Variants in SH3BP4 observed in about 807,000 individuals in gnomAD.
The protein encoded by SH3BP4 is SH3 domain binding protein 4, also known as SH3 domain-binding protein 4.
A neutral mutation model predicts 65.5 loss-of-function variants in SH3BP4; 33 were observed. The ratio of observed to expected loss-of-function variants is 0.50; its 90% CI spans 0.38 to 0.67. The LOEUF (loss-of-function observed/expected upper bound fraction) is 0.67, where lower values mean the gene tolerates loss of function less well. Ranked by LOEUF, SH3BP4 falls within the 30% of genes least tolerant of loss-of-function variation. The pLI is 0.00. For missense variants in SH3BP4, 1,134 were observed against 1,261.4 expected (o/e 0.90, Z 1.53); for synonymous variants, 552 against 545.5 (o/e 1.01, Z -0.17).
chr2:235,041,585 T>G lies in SH3BP4; in HGVS notation c.816T>G (p.Pro272=). ...SSSFFTGLKS[P]APEQFQSRED... is the part of the protein sequence containing the mutation. The stretch of plus-strand genomic sequence containing the variant: ...GTTTCTTCACCGGCTTGAAATCACC[T>G]GCCCCCGAGCAATTTCAGAGCCGGG... The change falls in exon 4 of 6, where the codon CCT becomes CCG. Residue 272 remains proline (P), a synonymous_variant. Coordinates refer to ENST00000392011, the MANE Select transcript of SH3BP4 (RefSeq NM_014521.3). This position sits in a 1 kb window ranked among gnomAD's most constrained non-coding sequence, Gnocchi z 6.0. The G allele has an allele frequency of 3.1e-6, 5 of 1,614,050 alleles. No homozygotes were observed. In the South Asian group the frequency reaches 5.5e-5, roughly 18 times the overall value.
intron 3 of SH3BP4, among the ~76,000 whole-genome samples, chr2:235,036,180 T>C (rs909479542): frequency 6.6e-6 from 1 of 152,250 alleles, no homozygotes; most frequent in Admixed American, 6.5e-5. Context: ...ATCTTCTCCC[T>C]GCCTCTGATT....
rs1035401794 is a variant in SH3BP4, at chr2:235,034,241, G to C, written c.-132-630G>C. Among the ~76,000 whole-genome samples, 2 of 152,184 alleles carry C rather than the reference G, an allele frequency of 1.3e-5. No homozygotes were observed. The highest frequency in any genetic ancestry group is 2.9e-5 in the Non-Finnish European group (2 of 68,030). On this transcript the variant is annotated intron_variant, in intron 2 of 5. Transcript: ENST00000392011. This position sits in a 1 kb window ranked among gnomAD's most constrained non-coding sequence, Gnocchi z 6.2. ...AGATCTTTCCTGCTTAGTAACAGTG[G>C]TTCAGTAAATATGCCCTGGTTTCAT...
intron 1 of SH3BP4, among the ~76,000 whole-genome samples, chr2:234,986,604 G>C (rs757654799): frequency 6.6e-6 from 1 of 151,948 alleles, no homozygotes; most frequent in Non-Finnish European, 1.5e-5. Context: ...TGCATATCAT[G>C]GCTGGTGGCT....
At chr2:234,953,386 T>G (rs967048310) in intron 1 of SH3BP4, among the ~76,000 whole-genome samples, 2 of 152,166 alleles carry the variant, frequency 1.3e-5, no homozygotes, top group Admixed American at 6.5e-5. Flanking sequence ...CCGCCCCTTC[T>G]CACCCTTGTG....
intron 1 of SH3BP4, among the ~76,000 whole-genome samples, chr2:234,972,004 A>ACGGGT (rs1181647251): frequency 6.6e-6 from 1 of 151,188 alleles, no homozygotes; most frequent in Non-Finnish European, 1.5e-5. Flanking sequence ...TTTAGTAGAG[A>ACGGGT]CGGGGTTTCA....
intron 2 of SH3BP4, among the ~76,000 whole-genome samples, chr2:235,029,579 C>A (rs113832392): frequency 1.4e-5 from 2 of 146,338 alleles, no homozygotes; most frequent in Non-Finnish European, 2.9e-5. Context: ...ATGGCACGTG[C>A]CTGGGAAGGT....
At chr2:234,987,988 C>G (rs2106265426) in intron 1 of SH3BP4, among the ~76,000 whole-genome samples, 1 of 152,272 alleles carries the variant, frequency 6.6e-6, no homozygotes, top group Non-Finnish European at 1.5e-5. Flanking sequence ...ACTGGTGAAG[C>G]CATCCATGCC....
chr2:234,981,930 G>C (rs1175114566), intron 1 of SH3BP4, among the ~76,000 whole-genome samples: 1 of 152,174 alleles, frequency 6.6e-6, no homozygotes, highest in Non-Finnish European at 1.5e-5. Context: ...AAGCTCGGCT[G>C]CCATTTTCCC....
At chr2:234,956,584 T>C (rs1236594862) in intron 1 of SH3BP4, among the ~76,000 whole-genome samples, 1 of 151,578 alleles carries the variant, frequency 6.6e-6, no homozygotes, top group Admixed American at 6.6e-5. Flanking sequence ...GAGTTGAGAT[T>C]TCTCTGTTGC....
intron 1 of SH3BP4, among the ~76,000 whole-genome samples, chr2:234,968,760 C>T (rs545148479): frequency 3.3e-5 from 5 of 152,282 alleles, no homozygotes; most frequent in South Asian, 2.1e-4. Flanking sequence ...GTCGTTCTTT[C>T]GGCATAATTG....
At chr2:235,038,134 A>G (rs1228098959) in intron 3 of SH3BP4, among the ~76,000 whole-genome samples, 1 of 146,938 alleles carries the variant, frequency 6.8e-6, no homozygotes, top group Non-Finnish European at 1.5e-5. Context: ...TAATGGGGAG[A>G]TGGAGGCTCC....
At chr2:234,975,156 C>A (rs1171551236) in intron 1 of SH3BP4, among the ~76,000 whole-genome samples, 1 of 152,164 alleles carries the variant, frequency 6.6e-6, no homozygotes, top group African/African-American at 2.4e-5. Flanking sequence ...GGGAGACAGG[C>A]ATTTTGTGGT....
At chr2:235,012,077 G>A (rs1016383632) in intron 2 of SH3BP4, among the ~76,000 whole-genome samples, 1 of 152,204 alleles carries the variant, frequency 6.6e-6, no homozygotes, top group East Asian at 1.9e-4. Context: ...CAGTGTGGAT[G>A]CAGGGAGCAG....
At chr2:235,029,362 C>T (rs1278700027) in intron 2 of SH3BP4, among the ~76,000 whole-genome samples, 1 of 152,084 alleles carries the variant, frequency 6.6e-6, no homozygotes, top group Non-Finnish European at 1.5e-5. Flanking sequence ...TCAAGATGCA[C>T]CTTAGGTACT....
At chr2:235,040,485 G>A (rs1470940187) in intron 3 of SH3BP4, among the ~76,000 whole-genome samples, 3 of 151,254 alleles carry the variant, frequency 2.0e-5, no homozygotes, top group South Asian at 4.2e-4. Flanking sequence ...CTAACTCACC[G>A]TGTCACCGTG....
At chr2:235,032,975 T>C (rs1695253838) in intron 2 of SH3BP4, among the ~76,000 whole-genome samples, 1 of 152,212 alleles carries the variant, frequency 6.6e-6, no homozygotes, top group Non-Finnish European at 1.5e-5. Flanking sequence ...GCTTCATTCC[T>C]TCCTGTGAAT....
At chr2:235,048,001 T>C (rs1204667718) in intron 4 of SH3BP4, among the ~76,000 whole-genome samples, 1 of 152,036 alleles carries the variant, frequency 6.6e-6, no homozygotes, top group East Asian at 1.9e-4. Flanking sequence ...AGCTAGCAAG[T>C]GCATGGGGCG....
At chr2:235,044,400 G>T (rs1009378492) in intron 4 of SH3BP4, among the ~76,000 whole-genome samples, 10 of 152,228 alleles carry the variant, frequency 6.6e-5, no homozygotes, top group African/African-American at 2.2e-4. Context: ...CGGTTACCTT[G>T]GCTAGGCTTA....
Position 235,052,623 on chromosome 2 carries a change from T to C in SH3BP4, c.2540T>C (p.Leu847Pro). Reference sequence around the variant, plus strand: ...AGACTCATCCAGGACTTTGTGCTCCTGACCACGGCTGTAGAGGTGGCCCAG... The same window carrying C: ...AGACTCATCCAGGACTTTGTGCTCCCGACCACGGCTGTAGAGGTGGCCCAG... ...VVRLIQDFVL[L>P]TTAVEVAQRW... The change falls in exon 5 of 6, where the codon CTG (leucine) becomes CCG (proline). Residue 847 changes from leucine to proline, a missense_variant. Coordinates refer to ENST00000392011, the MANE Select transcript of SH3BP4 (RefSeq NM_014521.3). This position sits in a 1 kb window ranked among gnomAD's most constrained non-coding sequence, Gnocchi z 5.0. The C allele has an allele frequency of 6.4e-7, 1 of 1,566,236 alleles. No homozygotes were observed. Among genetic ancestry groups the C allele is most frequent in the Non-Finnish European group, 8.7e-7 (1 of 1,155,994 alleles).
Sources: allele counts gnomAD v4.1 joint callset (sites outside exome capture counted in the v4.1 genomes callset), GRCh38; gene constraint gnomAD v4.1.1; non-coding constraint Gnocchi (gnomAD v3.1); transcripts MANE v1.5; gene names NCBI Gene and HGNC (gene_info 2026-07-23, HGNC 2026-07-21).